Variants in CAMKMT observed in about 807,000 individuals in gnomAD.
CAMKMT encodes the protein CaM KMT.
Under a neutral mutation model 48.0 loss-of-function variants are expected in CAMKMT, and 53 were observed. That is an observed-to-expected ratio of 1.10 (90% CI 0.89 to 1.39). The LOEUF is 1.39. Ranked by LOEUF, CAMKMT falls within the 40% of genes most tolerant of loss-of-function variation. CAMKMT has a pLI of 0.00. For missense variants in CAMKMT, 428 were observed against 402.7 expected (o/e 1.06, Z -0.54); for synonymous variants, 165 against 152.3 (o/e 1.08, Z -0.61).
intron 7 of CAMKMT, among the ~76,000 whole-genome samples, chr2:44,722,950 G>C (rs549987358): frequency 1.3e-5 from 2 of 152,164 alleles, no homozygotes; most frequent in East Asian, 3.8e-4. Context: ...CATGAGGGGG[G>C]TCTGAATGTT....
At chr2:44,586,300 A>G (rs897631315) in intron 3 of CAMKMT, among the ~76,000 whole-genome samples, 5 of 151,960 alleles carry the variant, frequency 3.3e-5, no homozygotes, top group Non-Finnish European at 5.9e-5. Flanking sequence ...CAAGTGTACA[A>G]TTTGATAAGT....
intron 3 of CAMKMT, among the ~76,000 whole-genome samples, chr2:44,665,926 G>A (rs1199097390): frequency 1.3e-5 from 2 of 152,198 alleles, no homozygotes; most frequent in Non-Finnish European, 1.5e-5. Context: ...GTTCTATTTT[G>A]TCCTTTAAAG....
intron 3 of CAMKMT, among the ~76,000 whole-genome samples, chr2:44,619,544 A>G (rs570139187): frequency 6.6e-6 from 1 of 152,166 alleles, no homozygotes; most frequent in Non-Finnish European, 1.5e-5. Context: ...AAAGTTCTAC[A>G]TTTTCTACAG....
At chr2:44,377,950 T>G (rs1281530012) in intron 2 of CAMKMT, among the ~76,000 whole-genome samples, 1 of 152,200 alleles carries the variant, frequency 6.6e-6, no homozygotes, top group Non-Finnish European at 1.5e-5. Flanking sequence ...GCTTATGAAA[T>G]TAGATGTATG....
intron 6 of CAMKMT, among the ~76,000 whole-genome samples, chr2:44,709,013 A>G (rs971794774): frequency 6.6e-6 from 1 of 152,182 alleles, no homozygotes; most frequent in Non-Finnish European, 1.5e-5. Context: ...TTCTAAAATT[A>G]TTATTGAGCT....
chr2:44,593,499 C>A (rs763709988), intron 3 of CAMKMT, among the ~76,000 whole-genome samples: 1 of 152,178 alleles, frequency 6.6e-6, no homozygotes, highest in Non-Finnish European at 1.5e-5. Flanking sequence ...CTGCAGGGCT[C>A]CATTTGGGTT....
At chr2:44,510,223 G>C (rs1413533680) in intron 3 of CAMKMT, among the ~76,000 whole-genome samples, 1 of 152,050 alleles carries the variant, frequency 6.6e-6, no homozygotes, top group Non-Finnish European at 1.5e-5. Flanking sequence ...TTTTATTTTA[G>C]TCTCTTTAAA....
chr2:44,667,296 A>G lies in CAMKMT; in HGVS notation c.377-36987A>G, dbSNP rs375347026. On this transcript the variant is annotated intron_variant, in intron 3 of 10. Transcript: ENST00000378494. ...GACTCATTCCATCCACCCCGTGTTT[A>G]CCTCTATCACCAGCAGATGATATCC... 1.2e-4 allele frequency among the ~76,000 whole-genome samples: 18 copies of G among 152,158 alleles called. 1 individual carries two copies. Among genetic ancestry groups the G allele is most frequent in the African/African-American group, 4.3e-4 (18 of 41,506 alleles).
At chr2:44,702,525 T>G (rs1261723443) in intron 3 of CAMKMT, among the ~76,000 whole-genome samples, 1 of 152,190 alleles carries the variant, frequency 6.6e-6, no homozygotes, top group Non-Finnish European at 1.5e-5. Flanking sequence ...AATGATATTT[T>G]ACAAATGAGG....
intron 3 of CAMKMT, among the ~76,000 whole-genome samples, chr2:44,469,268 TATA>T (rs10536025): frequency 0.67 from 101,675 of 151,378 alleles, 34,269 homozygotes; most frequent in Admixed American, 0.76. Context: ...GTTAGTTAAA[TATA>T]ATAATAATTT....
chr2:44,648,491 G>A (rs577713590), intron 3 of CAMKMT, among the ~76,000 whole-genome samples: 3 of 152,334 alleles, frequency 2.0e-5, no homozygotes, highest in South Asian at 4.1e-4. Context: ...TTGAAGGGCC[G>A]TCATTGGAAG....
intron 3 of CAMKMT, among the ~76,000 whole-genome samples, chr2:44,567,121 A>G (rs1307672836): frequency 6.6e-6 from 1 of 152,156 alleles, no homozygotes; most frequent in Non-Finnish European, 1.5e-5. Flanking sequence ...AAAGAGTGTC[A>G]GATCTGGCAT....
intron 3 of CAMKMT, among the ~76,000 whole-genome samples, chr2:44,419,948 C>A (rs1408536655): frequency 6.6e-6 from 1 of 152,034 alleles, no homozygotes; most frequent in Admixed American, 6.6e-5. Context: ...TCATTAGACA[C>A]AATAGATGAT....
chr2:44,736,262 T>A (rs867085122), intron 7 of CAMKMT, among the ~76,000 whole-genome samples: 2 of 152,238 alleles, frequency 1.3e-5, no homozygotes, highest in South Asian at 4.1e-4. Context: ...CACCTTGTTT[T>A]GAAATATATT....
At chr2:44,466,162 CATT>C (rs1369499053) in intron 3 of CAMKMT, among the ~76,000 whole-genome samples, 1 of 152,162 alleles carries the variant, frequency 6.6e-6, no homozygotes, top group Non-Finnish European at 1.5e-5. Flanking sequence ...ACTTCAATAA[CATT>C]ATAGTCCAAT....
At chr2:44,525,361 T>C (rs1671350985) in intron 3 of CAMKMT, among the ~76,000 whole-genome samples, 1 of 152,098 alleles carries the variant, frequency 6.6e-6, no homozygotes, top group African/African-American at 2.4e-5. Context: ...ATTCAAGCAA[T>C]TCTCCTGCCT....
chr2:44,560,784 G>A (rs534702624), intron 3 of CAMKMT, among the ~76,000 whole-genome samples: 57 of 152,248 alleles, frequency 3.7e-4, no homozygotes, highest in Admixed American at 6.5e-4. Context: ...CATTCTTTGG[G>A]ATGTCTCAAA....
intron 3 of CAMKMT, among the ~76,000 whole-genome samples, chr2:44,461,090 A>G (rs1667826570): frequency 6.6e-6 from 1 of 152,170 alleles, no homozygotes; most frequent in Non-Finnish European, 1.5e-5. Context: ...AGTTTTTGCC[A>G]AATAGACTCA....
chr2:44,398,224 T>C (rs1682035273), intron 3 of CAMKMT, among the ~76,000 whole-genome samples: 1 of 152,192 alleles, frequency 6.6e-6, no homozygotes, highest in Admixed American at 6.5e-5. Context: ...GGCACAGGAA[T>C]TTAACTATTC....
Sources: gnomAD v4.1 joint callset for allele counts (sites outside exome capture counted in the v4.1 genomes callset) on GRCh38, gnomAD v4.1.1 for gene constraint, MANE v1.5 for transcripts, NCBI Gene and HGNC (gene_info 2026-07-23, HGNC 2026-07-21) for gene names.